Variants in CLVS1 observed in about 807,000 individuals in gnomAD.
CLVS1 encodes clavesin-1.
A neutral mutation model predicts 33.1 loss-of-function variants in CLVS1; 10 were observed. That is an observed-to-expected ratio of 0.30 (90% CI 0.19 to 0.51). CLVS1 has a LOEUF of 0.51. CLVS1 is among the 20% of genes least tolerant of loss of function. The pLI is 0.97. For missense variants in CLVS1, 343 were observed against 433.4 expected (o/e 0.79, Z 1.85); for synonymous variants, 163 against 166.1 (o/e 0.98, Z 0.14).
At chr8:60,990,843 G>A in the CLVS1 span, among the ~76,000 whole-genome samples, 1 of 151,826 alleles carries the variant, frequency 6.6e-6, no homozygotes, top group South Asian at 2.1e-4. Flanking sequence ...CGAATAGCTG[G>A]GATTACAGGC....
intron 2 of CLVS1, among the ~76,000 whole-genome samples, chr8:61,207,079 C>A (rs1025823554): frequency 1.3e-5 from 2 of 152,106 alleles, no homozygotes; most frequent in African/African-American, 2.4e-5. Flanking sequence ...ACTGAGGGAG[C>A]CTGCTGTCTA....
intron 3 of CLVS1, among the ~76,000 whole-genome samples, chr8:61,420,795 G>A (rs1333479150): frequency 2.0e-5 from 3 of 151,458 alleles, no homozygotes; most frequent in Non-Finnish European, 2.9e-5. Flanking sequence ...ATGGTGAAAC[G>A]CCATCTCTAC....
chr8:60,975,071 G>A, the CLVS1 span, among the ~76,000 whole-genome samples: 1 of 152,158 alleles, frequency 6.6e-6, no homozygotes, highest in Non-Finnish European at 1.5e-5. Context: ...GGTAATGGGT[G>A]CATATCCTAA....
intron 2 of CLVS1, among the ~76,000 whole-genome samples, chr8:61,357,512 T>C (rs1050271605): frequency 8.6e-6 from 1 of 115,738 alleles, no homozygotes; most frequent in Non-Finnish European, 1.8e-5. Context: ...TTTTTTTTTT[T>C]TTTTTTTTTT....
chr8:60,981,416 T>C, the CLVS1 span, among the ~76,000 whole-genome samples: 1 of 152,314 alleles, frequency 6.6e-6, no homozygotes, highest in Admixed American at 6.5e-5. Context: ...GTGAAAGATA[T>C]CAGCATGTTT....
intron 4 of CLVS1, 128 bp from the exon 5 acceptor site, chr8:61,458,179 T>G: frequency 1.5e-6 from 1 of 656,416 alleles, no homozygotes; most frequent in Non-Finnish European, 2.6e-6. Flanking sequence ...ACAAAATCAA[T>G]GCCTCTTTAA....
At chr8:61,345,332 CT>C (rs1176521531) in intron 2 of CLVS1, among the ~76,000 whole-genome samples, 3 of 152,120 alleles carry the variant, frequency 2.0e-5, no homozygotes, top group African/African-American at 7.2e-5. Flanking sequence ...ATCACATTTA[CT>C]TTTTTATTTT....
intron 2 of CLVS1, among the ~76,000 whole-genome samples, chr8:61,255,974 G>A (rs1809072155): frequency 6.6e-6 from 1 of 151,988 alleles, no homozygotes; most frequent in Admixed American, 6.6e-5. Flanking sequence ...TATAACATAA[G>A]ATTTACCATT....
chr8:61,130,231 CTG>C (rs561486581), intron 1 of CLVS1, among the ~76,000 whole-genome samples: 122 of 116,484 alleles, frequency 1.0e-3, no homozygotes, highest in African/African-American at 4.0e-3. Context: ...GAGTGAGACT[CTG>C]TCTCAAAAAA....
the CLVS1 span, among the ~76,000 whole-genome samples, chr8:61,025,483 A>T: frequency 6.6e-6 from 1 of 152,210 alleles, no homozygotes; most frequent in African/African-American, 2.4e-5. Flanking sequence ...AGAAAATCCA[A>T]TTCTTAAAGG....
chr8:61,136,055 G>T (rs898702335), intron 2 of CLVS1, among the ~76,000 whole-genome samples: 1 of 152,240 alleles, frequency 6.6e-6, no homozygotes, highest in South Asian at 2.1e-4. Flanking sequence ...GATTTCTCCA[G>T]ACTTCCTGGA....
At chr8:61,016,906 T>C in the CLVS1 span, among the ~76,000 whole-genome samples, 4 of 152,152 alleles carry the variant, frequency 2.6e-5, no homozygotes, top group Non-Finnish European at 5.9e-5. Context: ...TTTCTGCAAA[T>C]AGCTCAACCT....
intron 2 of CLVS1, among the ~76,000 whole-genome samples, chr8:61,354,353 T>C (rs1357321275): frequency 2.6e-5 from 4 of 151,990 alleles, no homozygotes; most frequent in African/African-American, 9.7e-5. Flanking sequence ...GGATTACTCA[T>C]CAAGATTGCC....
At chr8:61,464,296 AATTAAT>A (rs1453778359) in intron 5 of CLVS1, among the ~76,000 whole-genome samples, 1 of 152,338 alleles carries the variant, frequency 6.6e-6, no homozygotes, top group African/African-American at 2.4e-5. Context: ...TATGTGAATG[AATTAAT>A]ATTAATGTTG....
chr8:61,110,704 G>T, intron 1 of CLVS1, among the ~76,000 whole-genome samples: 1 of 152,016 alleles, frequency 6.6e-6, no homozygotes. Context: ...TCCATTTCCT[G>T]CCTCCCCTAC....
chr8:61,202,647 C>G, intron 2 of CLVS1: 2 of 1,529,710 alleles, frequency 1.3e-6, no homozygotes, highest in Non-Finnish European at 1.8e-6. Context: ...CACCAGTAGT[C>G]TTAAGGTTGA....
intron 2 of CLVS1, among the ~76,000 whole-genome samples, chr8:61,197,622 C>T (rs534279953): frequency 4.1e-4 from 62 of 152,194 alleles, no homozygotes; most frequent in East Asian, 9.6e-4. Flanking sequence ...TGGGTTCAAG[C>T]GATTCTCCTG....
chr8:61,302,490 C>A (rs902874536), intron 2 of CLVS1, among the ~76,000 whole-genome samples: 1 of 152,126 alleles, frequency 6.6e-6, no homozygotes, highest in Non-Finnish European at 1.5e-5. Context: ...CCGGTTAGGA[C>A]CCCATTGTTC....
At chr8:61,094,233 G>A (rs1361133673) in intron 1 of CLVS1, among the ~76,000 whole-genome samples, 1 of 152,160 alleles carries the variant, frequency 6.6e-6, no homozygotes, top group Non-Finnish European at 1.5e-5. Context: ...GGAGGTGGGT[G>A]TGGAAATCAT....
Sources: gnomAD v4.1 joint callset for allele counts (sites outside exome capture counted in the v4.1 genomes callset) on GRCh38, gnomAD v4.1.1 for gene constraint, MANE v1.5 for transcripts, NCBI Gene and HGNC (gene_info 2026-07-23, HGNC 2026-07-21) for gene names.